The following DLEC1 variants were observed in gnomAD, a reference collection of about 807,000 sequenced individuals.
DLEC1 encodes deleted in lung and esophageal cancer protein 1.
DLEC1 carries 146 observed loss-of-function variants against 198.1 expected under a neutral mutation model. The ratio of observed to expected loss-of-function variants is 0.74; its 90% CI spans 0.64 to 0.85. The LOEUF (loss-of-function observed/expected upper bound fraction) is 0.85. Among genes scored for constraint, DLEC1 ranks in the 40% least tolerant of loss-of-function variants. The probability of loss-of-function intolerance (pLI) is 0.00; values close to 1 mark genes in which losing one functional copy is unlikely to be tolerated. For missense variants in DLEC1, 2,233 were observed against 2,220.0 expected, an observed-to-expected ratio of 1.01 and a Z score of -0.12; for synonymous variants, 897 against 866.8, an observed-to-expected ratio of 1.03 and a Z score of -0.61.
chr3:38,066,302 A>G (rs1332675549), intron 6 of DLEC1, among the ~76,000 whole-genome samples: 1 of 152,194 alleles, frequency 6.6e-6, no homozygotes, highest in Non-Finnish European at 1.5e-5. Context: ...TTCTAATTCT[A>G]TTATTCCATC....
Position 38,059,840 on chromosome 3 carries a change from T to C in DLEC1, c.661T>C (p.Ser221Pro). 1 of 1,614,102 alleles carries C rather than the reference T, an allele frequency of 6.2e-7. No homozygotes were observed. The highest frequency in any genetic ancestry group is 1.1e-5 in the South Asian group (1 of 91,052). Residue 221 changes from serine to proline, a missense_variant, in exon 3 of 37, where the codon TCT becomes CCT. Coordinates refer to ENST00000308059, the MANE Select transcript of DLEC1 (RefSeq NM_007335.4). ...DYYTDTVPFH[S>P]APKGISLPGC... ...CTACACCGATACAGTGCCGTTTCAC[T>C]CTGCACCTAAAGGTAATGCTTCTGT...
intron 33 of DLEC1, among the ~76,000 whole-genome samples, chr3:38,118,226 G>A (rs1180753353): frequency 6.6e-6 from 1 of 152,144 alleles, no homozygotes; most frequent in African/African-American, 2.4e-5. Flanking sequence ...GCTCACATGG[G>A]CATGGCCACA....
rs138178381 is a variant in DLEC1, at chr3:38,084,169, G to A, written c.1185G>A (p.Ala395=). The change falls in exon 7 of 37, where the codon GCG becomes GCA. Residue 395 remains alanine (A), a synonymous_variant. Transcript: ENST00000308059. The stretch of plus-strand genomic sequence containing the variant: ...TTACCTTTCAACAGATGGTAATTGC[G>A]CTGCAGAACACCACCACGACCAGCC... The part of the protein sequence containing the change: ...EIGPVYEMVI[A]LQNTTTTSRY... 3.2e-4 allele frequency: 517 copies of A among 1,612,808 alleles called. 3 individuals carry two copies. In the East Asian group the frequency reaches 8.7e-3, roughly 27 times the overall value.
intron 2 of DLEC1, among the ~76,000 whole-genome samples, chr3:38,057,533 CAAAGAT>C (rs1402073914): frequency 6.6e-6 from 1 of 151,898 alleles, no homozygotes; most frequent in Non-Finnish European, 1.5e-5. Context: ...GTGGATCTCA[CAAAGAT>C]AAAGATAATC....
chr3:38,039,536 A>G lies in DLEC1; in HGVS notation c.311A>G (p.Tyr104Cys), dbSNP rs765534721. The change falls in exon 1 of 37, where the codon TAC becomes TGC. Residue 104 changes from tyrosine to cysteine, a missense_variant. Physicochemically the swap from Tyr to Cys is radical, Grantham distance 194 (BLOSUM62 -2). Transcript: ENST00000308059. ...HLLTGVFRNL[Y>C]SAEVIGDEVS... Reference sequence around the variant, plus strand: ...CTCACCGGCGTCTTCCGCAACTTGTACTCAGCCGAGGTCATCGGCGACGAA... The same window carrying G: ...CTCACCGGCGTCTTCCGCAACTTGTGCTCAGCCGAGGTCATCGGCGACGAA... 6.2e-7 allele frequency: 1 copy of G among 1,613,972 alleles called. No individual in the cohort carries two copies. Among genetic ancestry groups the G allele is most frequent in the East Asian group, 2.2e-5 (1 of 44,872 alleles).
chr3:38,122,174 G>A lies in DLEC1; in HGVS notation c.5124G>A (p.Leu1708=). ...ATGCACCCCCAACCTCCATCGCCTT[G>A]CAGGTTTTCTTCACTGCCAGGTGCA... The part of the protein sequence containing the change: ...SANAPPTSIA[L]QVFFTARSSE... Residue 1708 remains leucine, a synonymous_variant, in exon 36 of 37, where the codon TTG becomes TTA. Coordinates refer to ENST00000308059, the MANE Select transcript of DLEC1 (RefSeq NM_007335.4). 1 of 1,614,106 alleles carries A rather than the reference G, an allele frequency of 6.2e-7. No homozygotes were observed. Among genetic ancestry groups the A allele is most frequent in the Non-Finnish European group, 8.5e-7 (1 of 1,179,994 alleles).
intron 2 of DLEC1, among the ~76,000 whole-genome samples, chr3:38,056,455 A>G (rs967008868): frequency 6.6e-6 from 1 of 151,978 alleles, no homozygotes; most frequent in Admixed American, 6.6e-5. Flanking sequence ...GATTACAGGC[A>G]TGTGCCACGA....
rs746534699 is a variant in DLEC1, at chr3:38,108,533, G to C, written c.3129+18G>C. The C allele has an allele frequency of 4.4e-6, 7 of 1,604,780 alleles. No individual in the cohort carries two copies. The highest frequency in any genetic ancestry group is 6.0e-6 in the Non-Finnish European group (7 of 1,172,544). On this transcript the variant is annotated intron_variant, in intron 21 of 36. Transcript: ENST00000308059. Reference sequence around the variant, plus strand: ...ATACCCAGGTGAGTAAGGCAATGTAGGGCCTGAGTGACCGGGAAGGCACCC... The same window carrying C: ...ATACCCAGGTGAGTAAGGCAATGTACGGCCTGAGTGACCGGGAAGGCACCC...
chr3:38,052,661 G>T (rs1429820426), intron 2 of DLEC1, among the ~76,000 whole-genome samples: 1 of 152,206 alleles, frequency 6.6e-6, no homozygotes. Context: ...TCCGTCCACT[G>T]GAGTCCAGAG....
At chr3:38,077,891 GAA>G (rs1697720992) in intron 6 of DLEC1, among the ~76,000 whole-genome samples, 1 of 152,232 alleles carries the variant, frequency 6.6e-6, no homozygotes, top group South Asian at 2.1e-4. Context: ...GGAACACTGA[GAA>G]GTTATTTCCT....
In DLEC1 at chr3:38,097,793, G is replaced by A. The variant is rs183009787; in HGVS notation, c.2615G>A (p.Arg872His). The change falls in exon 18 of 37, where the codon CGC (arginine) becomes CAC (histidine). Residue 872 changes from arginine (R) to histidine (H), a missense_variant. Arg to His is a conservative substitution (Grantham distance 29). Transcript: ENST00000308059. ...NVSALQFGLL[R>H]LGQKATNSIQ... ...TCAGCCCTTCAGTTTGGTCTGCTCC[G>A]CCTGGGGCAGAAAGCCACAAACTCC... 29 of 1,614,096 alleles carry A rather than the reference G, an allele frequency of 1.8e-5. No homozygotes were observed. The highest frequency in any genetic ancestry group is 8.3e-5 in the Admixed American group (5 of 60,020).
chr3:38,056,995 C>T (rs1216062967), intron 2 of DLEC1, among the ~76,000 whole-genome samples: 3 of 152,196 alleles, frequency 2.0e-5, no homozygotes, highest in Non-Finnish European at 4.4e-5. Context: ...GGCCAGTGGG[C>T]GAGACCACTG....
At chr3:38,075,727 G>A (rs1575152068) in intron 6 of DLEC1, among the ~76,000 whole-genome samples, 1 of 152,042 alleles carries the variant, frequency 6.6e-6, no homozygotes, top group East Asian at 1.9e-4. Context: ...GGGGCACAGG[G>A]ATAAGAGGTT....
Position 38,111,728 on chromosome 3 carries a change from G to A in DLEC1, c.3495G>A (p.Leu1165=), listed in dbSNP as rs1699890788. 1.2e-6 allele frequency: 2 copies of A among 1,612,852 alleles called. No individual in the cohort carries two copies. The highest frequency in any genetic ancestry group is 1.3e-5 in the African/African-American group (1 of 75,042). Residue 1165 remains leucine, a synonymous_variant, in exon 24 of 37, where the codon CTG becomes CTA. Transcript: ENST00000308059. ...LLKTVRMQEH[L]AKREQLDFME... ...AGACAGTGCGGATGCAAGAGCACCT[G>A]GCCAAGCGAGAGCAGCTGGGTAAGC...
chr3:38,115,164 G>C (rs1700089132), intron 27 of DLEC1, 111 bp downstream of exon 27: 3 of 1,133,018 alleles, frequency 2.6e-6, no homozygotes. Flanking sequence ...ACAGGACCCA[G>C]GTGTCCAGGG....
intron 6 of DLEC1, among the ~76,000 whole-genome samples, chr3:38,083,528 A>T (rs1259259579): frequency 6.6e-6 from 1 of 150,890 alleles, no homozygotes; most frequent in African/African-American, 2.4e-5. Context: ...CCAGCCATTT[A>T]CACTTCTTTT....
intron 31 of DLEC1, 109 bp downstream of exon 31, chr3:38,117,411 G>C (rs1181500540): frequency 3.8e-6 from 6 of 1,598,452 alleles, no homozygotes; most frequent in Non-Finnish European, 5.1e-6. Context: ...GGCATGGGTG[G>C]AGAAGTCAGC....
intron 2 of DLEC1, among the ~76,000 whole-genome samples, chr3:38,054,165 C>G (rs1173979280): frequency 2.0e-5 from 3 of 152,070 alleles, no homozygotes; most frequent in Admixed American, 6.5e-5. Context: ...ATCCCCCTCT[C>G]CGAGAAACAC....
In DLEC1 at chr3:38,123,814, A is replaced by G. The variant is rs1041307176; in HGVS notation, c.*1402A>G. The stretch of plus-strand genomic sequence containing the variant: ...TCAGGAGTTCAAGACCAGCCTCGCC[A>G]ACATGGTGAAACCCTGTCTCCACCA... On this transcript the variant is annotated 3_prime_UTR_variant, in exon 37 of 37. Coordinates refer to ENST00000308059, the MANE Select transcript of DLEC1 (RefSeq NM_007335.4). The G allele has an allele frequency of 6.6e-6, 1 of 152,188 alleles. No homozygotes were observed. Among genetic ancestry groups the G allele is most frequent in the Non-Finnish European group, 1.5e-5 (1 of 68,044 alleles). The allele number at this position is 152,188 out of a possible 1,614,324, so 9.4% of individuals were successfully genotyped here. A position where few individuals can be genotyped will look rare whatever the true frequency, so the allele number is the denominator to read the frequency against.
Sources: gnomAD v4.1 joint callset for allele counts (sites outside exome capture counted in the v4.1 genomes callset) on GRCh38, gnomAD v4.1.1 for gene constraint, MANE v1.5 for transcripts, NCBI Gene and HGNC (gene_info 2026-07-23, HGNC 2026-07-21) for gene names.